The following CYRIB variants were observed in gnomAD, a reference collection of about 807,000 sequenced individuals.
CYRIB encodes the protein CYFIP related Rac1 interactor B.
Under a neutral mutation model 44.2 loss-of-function variants are expected in CYRIB, and 8 were observed. The ratio of observed to expected loss-of-function variants is 0.18; its 90% CI spans 0.11 to 0.33. The LOEUF is 0.33. Among genes scored for constraint, CYRIB ranks in the 10% least tolerant of loss-of-function variants. The pLI is 1.00. For synonymous variants in CYRIB, 131 were observed against 127.2 expected (o/e 1.03, Z -0.20); for missense variants, 185 against 382.8 (o/e 0.48, Z 4.31).
chr8:129,946,909 C>T (rs1354796963), intron 2 of CYRIB, among the ~76,000 whole-genome samples: 2 of 152,156 alleles, frequency 1.3e-5, no homozygotes, highest in Non-Finnish European at 2.9e-5. Context: ...TGTCAGCCTT[C>T]GGATTCAAAG....
chr8:129,978,787 G>A (rs1274945347), intron 1 of CYRIB, among the ~76,000 whole-genome samples: 1 of 152,166 alleles, frequency 6.6e-6, no homozygotes, highest in Non-Finnish European at 1.5e-5. Context: ...CCAGCTAAGT[G>A]CGTGTACACA....
At chr8:129,904,982 CA>C (rs1191433081) in intron 1 of CYRIB, among the ~76,000 whole-genome samples, 3 of 152,110 alleles carry the variant, frequency 2.0e-5, no homozygotes, top group Non-Finnish European at 4.4e-5. Flanking sequence ...GCTAAAAATA[CA>C]GGTGATACAG....
chr8:129,929,850 C>T (rs79121332), intron 1 of CYRIB, among the ~76,000 whole-genome samples: 2,101 of 152,124 alleles, frequency 0.014, 47 homozygotes, highest in African/African-American at 0.047. Context: ...TTTAGGGTAC[C>T]GGTACCTGTT....
intron 1 of CYRIB, among the ~76,000 whole-genome samples, chr8:129,978,490 C>T (rs1344254207): frequency 6.6e-6 from 1 of 152,158 alleles, no homozygotes; most frequent in African/African-American, 2.4e-5. Context: ...CTGTGGGCAC[C>T]ATCTCCCCAG....
At chr8:129,911,293 T>G (rs547109747) in intron 1 of CYRIB, among the ~76,000 whole-genome samples, 1 of 152,202 alleles carries the variant, frequency 6.6e-6, no homozygotes, top group South Asian at 2.1e-4. Context: ...GGTTAAGTAG[T>G]TTGTCCAAGG....
At chr8:129,916,607 C>G (rs192259521) in intron 1 of CYRIB, among the ~76,000 whole-genome samples, 4 of 152,294 alleles carry the variant, frequency 2.6e-5, no homozygotes, top group African/African-American at 9.6e-5. Flanking sequence ...TTTCTTCCTT[C>G]TAAAAAGATT....
At chr8:129,920,033 T>C (rs2082730747) in intron 1 of CYRIB, among the ~76,000 whole-genome samples, 1 of 150,870 alleles carries the variant, frequency 6.6e-6, no homozygotes, top group Non-Finnish European at 1.5e-5. Context: ...ATAGCTTATA[T>C]AATTCCAAAT....
At chr8:129,901,102 C>T (rs987721971) in intron 2 of CYRIB, among the ~76,000 whole-genome samples, 13 of 152,228 alleles carry the variant, frequency 8.5e-5, no homozygotes, top group African/African-American at 3.1e-4. Flanking sequence ...TACAGGCACA[C>T]GCCACCACAC....
intron 4 of CYRIB, among the ~76,000 whole-genome samples, chr8:129,869,649 A>G (rs866509996): frequency 6.6e-6 from 1 of 152,180 alleles, no homozygotes; most frequent in African/African-American, 2.4e-5. Context: ...CTTGAATTTC[A>G]CAGAAATGCT....
At position 129,972,596 on chromosome 8, in the gene CYRIB, T is replaced by A. The variant is rs183624245; in HGVS notation, c.-295-1601A>T. On this transcript the variant is annotated intron_variant, in intron 1 of 14. Coordinates refer to the CYRIB transcript ENST00000401979. ...CCAAAGAAAATAAAAAAAAGAACCA[T>A]CTAAGCATACTGCATACTCACAAAC... 7.4e-4 allele frequency among the ~76,000 whole-genome samples: 113 copies of A among 151,946 alleles called. 1 individual carries two copies. The South Asian group carries it at 0.015, about 21-fold the overall frequency.
At chr8:129,891,718 C>T (rs763194076) in intron 2 of CYRIB, among the ~76,000 whole-genome samples, 7 of 152,180 alleles carry the variant, frequency 4.6e-5, no homozygotes, top group South Asian at 4.1e-4. Context: ...TCATAAAATG[C>T]GTGCCTTTAT....
At chr8:130,011,246 C>A (rs183437497) in intron 1 of CYRIB, among the ~76,000 whole-genome samples, 12 of 152,106 alleles carry the variant, frequency 7.9e-5, no homozygotes, top group African/African-American at 2.7e-4. Flanking sequence ...GGCGGCCAGG[C>A]GTAATGGCTC....
chr8:129,931,856 G>A (rs2091496537), intron 1 of CYRIB, among the ~76,000 whole-genome samples: 1 of 152,004 alleles, frequency 6.6e-6, no homozygotes, highest in Non-Finnish European at 1.5e-5. Flanking sequence ...CAAACTCCTG[G>A]CCTCAAGTGA....
At chr8:129,848,882 C>T (rs2041845603) in intron 10 of CYRIB, among the ~76,000 whole-genome samples, 1 of 152,130 alleles carries the variant, frequency 6.6e-6, no homozygotes, top group South Asian at 2.1e-4. Context: ...GCACTACTGA[C>T]TTTTTATATG....
chr8:129,929,914 C>T (rs1363767205), intron 1 of CYRIB, among the ~76,000 whole-genome samples: 4 of 152,090 alleles, frequency 2.6e-5, no homozygotes, highest in East Asian at 1.9e-4. Context: ...ACCAGTTATG[C>T]GTTTAAAAAC....
At chr8:129,867,480 A>T (rs1430560099) in intron 4 of CYRIB, among the ~76,000 whole-genome samples, 1 of 151,932 alleles carries the variant, frequency 6.6e-6, no homozygotes, top group Non-Finnish European at 1.5e-5. Flanking sequence ...GACATATTAC[A>T]TTAATGGAAA....
intron 5 of CYRIB, among the ~76,000 whole-genome samples, chr8:129,857,981 G>A (rs901999224): frequency 6.6e-6 from 1 of 152,248 alleles, no homozygotes; most frequent in Non-Finnish European, 1.5e-5. Context: ...TCAGTGACCA[G>A]TAGTTGCAGA....
intron 5 of CYRIB, among the ~76,000 whole-genome samples, chr8:129,858,279 C>T (rs918467941): frequency 1.3e-5 from 2 of 152,150 alleles, no homozygotes; most frequent in Non-Finnish European, 2.9e-5. Context: ...TAAAACAAAA[C>T]CATGAGATTA....
chr8:129,879,648 T>C (rs1259530552), intron 2 of CYRIB, 177 bp from the exon 5 acceptor site: 4 of 570,534 alleles, frequency 7.0e-6, no homozygotes, highest in African/African-American at 5.7e-5. Context: ...TGTTGATATG[T>C]AGGACCTAGA....
Sources: gnomAD v4.1 joint callset for allele counts (sites outside exome capture counted in the v4.1 genomes callset) on GRCh38, gnomAD v4.1.1 for gene constraint, MANE v1.5 for transcripts, NCBI Gene and HGNC (gene_info 2026-07-23, HGNC 2026-07-21) for gene names.